TAFA2: variants seen among roughly 807,000 people sequenced by gnomAD.
TAFA2 encodes the protein chemokine-like protein TAFA-2.
In TAFA2, 7 loss-of-function variants were observed where a neutral mutation model predicts 18.8. The ratio of observed to expected loss-of-function variants is 0.37; its 90% CI spans 0.21 to 0.70. The LOEUF (loss-of-function observed/expected upper bound fraction) is 0.70, where lower values mean the gene tolerates loss of function less well. Ranked by LOEUF, TAFA2 falls within the 30% of genes least tolerant of loss-of-function variation. The pLI is 0.53. For missense variants in TAFA2, 122 were observed against 158.1 expected, an observed-to-expected ratio of 0.77 and a Z score of 1.23; for synonymous variants, 60 against 54.2, an observed-to-expected ratio of 1.11 and a Z score of -0.47.
chr12:61,796,969 C>A (rs2120951791), intron 2 of TAFA2, among the ~76,000 whole-genome samples: 1 of 152,238 alleles, frequency 6.6e-6, no homozygotes, highest in Admixed American at 6.5e-5. Context: ...CCTCATTATA[C>A]CTCTCTCAAA....
chr12:61,768,717 A>G (rs376522767), intron 2 of TAFA2, among the ~76,000 whole-genome samples: 6 of 152,228 alleles, frequency 3.9e-5, no homozygotes, highest in African/African-American at 1.2e-4. Context: ...TTTGTCTCAC[A>G]GGGGTCCTTG....
At chr12:62,245,234 A>G (rs953039971) in intron 1 of TAFA2, among the ~76,000 whole-genome samples, 1 of 152,152 alleles carries the variant, frequency 6.6e-6, no homozygotes, top group African/African-American at 2.4e-5. Context: ...CATAATGAAT[A>G]GTGCAACATT....
chr12:62,200,775 T>C (rs907784575), intron 1 of TAFA2, among the ~76,000 whole-genome samples: 3 of 152,208 alleles, frequency 2.0e-5, no homozygotes, highest in Non-Finnish European at 4.4e-5. Context: ...AGTAGCTTTC[T>C]CTAATTCCGT....
intron 1 of TAFA2, among the ~76,000 whole-genome samples, chr12:62,052,218 G>A (rs1345083034): frequency 1.3e-5 from 2 of 151,590 alleles, no homozygotes; most frequent in African/African-American, 4.8e-5. Context: ...GTGTGTGTGA[G>A]AGAGAGAGTC....
At chr12:62,252,295 C>T (rs1327484545) in intron 1 of TAFA2, 2 of 152,218 alleles carry the variant, frequency 1.3e-5, no homozygotes, top group African/African-American at 4.8e-5. Flanking sequence ...AGCCTGACCT[C>T]CTCCCAGTAT....
intron 1 of TAFA2, among the ~76,000 whole-genome samples, chr12:61,877,244 C>G (rs553153920): frequency 6.6e-6 from 1 of 152,116 alleles, no homozygotes; most frequent in Non-Finnish European, 1.5e-5. Flanking sequence ...CACTTTTTTA[C>G]TCTTTCCCTT....
chr12:61,987,029 C>A (rs960820801), intron 1 of TAFA2, among the ~76,000 whole-genome samples: 1 of 152,142 alleles, frequency 6.6e-6, no homozygotes, highest in Non-Finnish European at 1.5e-5. Flanking sequence ...TAAATTATTT[C>A]TTTTCATCTT....
At chr12:62,199,403 C>T (rs1248902569) in intron 1 of TAFA2, among the ~76,000 whole-genome samples, 2 of 152,102 alleles carry the variant, frequency 1.3e-5, no homozygotes, top group Non-Finnish European at 2.9e-5. Flanking sequence ...TGTTTCCCTC[C>T]CTGTGTTCAT....
chr12:62,103,470 G>T (rs911648290), intron 1 of TAFA2, among the ~76,000 whole-genome samples: 1 of 152,086 alleles, frequency 6.6e-6, no homozygotes, highest in African/African-American at 2.4e-5. Flanking sequence ...GCCAGGCATG[G>T]TGGCTCACAC....
chr12:62,258,616 G>A (rs761754940), intron 1 of TAFA2: 4 of 215,174 alleles, frequency 1.9e-5, no homozygotes, highest in Non-Finnish European at 4.0e-5. Flanking sequence ...TTATTGAATG[G>A]CTATTACGTC....
At chr12:62,246,219 C>T (rs1425689028) in intron 1 of TAFA2, among the ~76,000 whole-genome samples, 22 of 152,196 alleles carry the variant, frequency 1.4e-4, no homozygotes, top group Admixed American at 1.4e-3. Context: ...ATCTCCTGAC[C>T]TCGTGATCTG....
At chr12:62,169,355 G>A (rs1471641860) in intron 1 of TAFA2, among the ~76,000 whole-genome samples, 1 of 152,074 alleles carries the variant, frequency 6.6e-6, no homozygotes, top group African/African-American at 2.4e-5. Flanking sequence ...ATACACCTAC[G>A]ATGCCTCTCA....
intron 1 of TAFA2, among the ~76,000 whole-genome samples, chr12:62,085,493 A>G (rs1868413630): frequency 1.3e-5 from 2 of 152,108 alleles, no homozygotes; most frequent in South Asian, 4.1e-4. Context: ...TCATGCTGGC[A>G]CAGGATTCTA....
chr12:62,036,168 A>G (rs1467003504), intron 1 of TAFA2, among the ~76,000 whole-genome samples: 1 of 152,168 alleles, frequency 6.6e-6, no homozygotes, highest in Non-Finnish European at 1.5e-5. Context: ...ACATGACTCC[A>G]GGTTTTGCCA....
chr12:62,010,870 CGGCCGCCCTTCGTCTGGG>C (rs1565714922), intron 1 of TAFA2, among the ~76,000 whole-genome samples: 4 of 125,274 alleles, frequency 3.2e-5, no homozygotes, highest in East Asian at 5.4e-4. Context: ...CGCCTCTGCC[CGGCCGCCCTTCGTCTGGG>C]AGGTGGGGAG....
intron 1 of TAFA2, among the ~76,000 whole-genome samples, chr12:62,030,606 T>C (rs1029976386): frequency 6.6e-6 from 1 of 152,126 alleles, no homozygotes; most frequent in African/African-American, 2.4e-5. Context: ...TTGTCAGGCT[T>C]GCAGTGAAAG....
chr12:62,130,046 C>T (rs1344020099), intron 1 of TAFA2, among the ~76,000 whole-genome samples: 1 of 152,012 alleles, frequency 6.6e-6, no homozygotes, highest in Non-Finnish European at 1.5e-5. Flanking sequence ...CAATGATAAA[C>T]ATAAATCCAA....
At chr12:61,929,715 T>C (rs547930915) in intron 1 of TAFA2, among the ~76,000 whole-genome samples, 3 of 152,108 alleles carry the variant, frequency 2.0e-5, no homozygotes, top group Admixed American at 6.5e-5. Context: ...TGTATGTTTA[T>C]TGCGGCACTA....
chr12:62,090,354 T>G lies in TAFA2; in HGVS notation c.-2+100905A>C, dbSNP rs1186511820. Reference sequence around the variant, plus strand: ...AGTCATTTACACATCCATAATCTAATAGATGATTTTCAAACTGGACCACAT... The same window carrying G: ...AGTCATTTACACATCCATAATCTAAGAGATGATTTTCAAACTGGACCACAT... On this transcript the variant is annotated intron_variant, in intron 1 of 4. Transcript: ENST00000416284. Among the ~76,000 whole-genome samples the G allele has an allele frequency of 2.0e-5, 3 of 152,016 alleles. No individual in the cohort carries two copies. The East Asian group carries it at 5.8e-4, about 29-fold the overall frequency.
Sources: gnomAD v4.1 joint callset for allele counts (sites outside exome capture counted in the v4.1 genomes callset) on GRCh38, gnomAD v4.1.1 for gene constraint, MANE v1.5 for transcripts, NCBI Gene and HGNC (gene_info 2026-07-23, HGNC 2026-07-21) for gene names.